The following CD6 variants were observed in gnomAD, a reference collection of about 807,000 sequenced individuals.
The protein encoded by CD6 is T-cell differentiation antigen CD6.
Under a neutral mutation model 75.3 loss-of-function variants are expected in CD6, and 53 were observed. That is an observed-to-expected ratio of 0.70 (90% CI 0.56 to 0.88). The LOEUF is 0.88. CD6 is among the 40% of genes least tolerant of loss of function. The pLI, the probability that CD6 is intolerant of heterozygous loss-of-function variation, is 0.00. For synonymous variants in CD6, 359 were observed against 381.5 expected (o/e 0.94, Z 0.69); for missense variants, 770 against 897.1 (o/e 0.86, Z 1.81).
intron 1 of CD6, among the ~76,000 whole-genome samples, chr11:61,005,261 G>A (rs765933799): frequency 1.3e-5 from 2 of 152,212 alleles, no homozygotes; most frequent in African/African-American, 2.4e-5. Flanking sequence ...ACACAACCAG[G>A]GAGTGGTCAG....
At chr11:60,989,601 A>G (rs890540319) in intron 1 of CD6, among the ~76,000 whole-genome samples, 3 of 152,228 alleles carry the variant, frequency 2.0e-5, no homozygotes, top group African/African-American at 7.2e-5. Flanking sequence ...TTTCCACGGC[A>G]GAGCGCAGCA....
At chr11:60,991,790 C>A (rs1311494426) in intron 1 of CD6, among the ~76,000 whole-genome samples, 1 of 150,212 alleles carries the variant, frequency 6.7e-6, no homozygotes, top group Non-Finnish European at 1.5e-5. Context: ...CTGCCTCAGC[C>A]TCCTCAGTAG....
intron 2 of CD6, 31 bp downstream of exon 2, chr11:61,006,673 A>T: frequency 3.2e-6 from 5 of 1,569,254 alleles, no homozygotes; most frequent in Non-Finnish European, 4.4e-6. Flanking sequence ...GGGGTCCATG[A>T]TCAGCTTTCT....
intron 9 of CD6, among the ~76,000 whole-genome samples, chr11:61,016,201 C>T (rs1859398448): frequency 6.6e-6 from 1 of 152,094 alleles, no homozygotes; most frequent in African/African-American, 2.4e-5. Flanking sequence ...ATGCCATATC[C>T]CTCCGTGTCC....
intron 9 of CD6, 147 bp from the exon 10 acceptor site, chr11:61,017,332 T>C (rs899315531): frequency 6.2e-6 from 4 of 640,338 alleles, no homozygotes; most frequent in African/African-American, 1.8e-5. Context: ...TGGAATTTGA[T>C]GGGAAATGCT....
chr11:61,014,016 T>A lies in CD6; in HGVS notation c.1387+2T>A. 6.2e-7 allele frequency: 1 copy of A among 1,608,234 alleles called. No homozygotes were observed. The highest frequency in any genetic ancestry group is 8.5e-7 in the Non-Finnish European group (1 of 1,176,784). ...TCCCCATCACCATCCCCAAAGAAGG[T>A]AGGATGTCCCCCATCCTGGGTGTGG... On this transcript the variant is annotated splice_donor_variant, in intron 8 of 12. Transcript: ENST00000313421. LOFTEE classifies it high-confidence loss of function.
Position 61,007,703 on chromosome 11 carries a change from T to A in CD6, c.262T>A (p.Cys88Ser). The change falls in exon 3 of 13, where the codon TGC becomes AGC. Residue 88 changes from cysteine to serine, a missense_variant. By Grantham distance (112) the Cys-to-Ser change is moderately radical. Coordinates refer to ENST00000313421, the MANE Select transcript of CD6 (RefSeq NM_006725.5). This position sits in a 1 kb window ranked among gnomAD's most constrained non-coding sequence, Gnocchi z 4.2. ...AAEAVCRALGCGGAEAASQLA... is the reference protein window; with the variant it reads ...AAEAVCRALGSGGAEAASQLA... The stretch of plus-strand genomic sequence containing the variant: ...CGAGGCCGTGTGCCGAGCACTGGGC[T>A]GCGGCGGGGCGGAGGCCGCCTCTCA... The A allele has an allele frequency of 7.2e-7, 1 of 1,394,980 alleles. No individual in the cohort carries two copies. Among genetic ancestry groups the A allele is most frequent in the South Asian group, 1.6e-5 (1 of 60,904 alleles). The allele number at this position is 1,394,980 out of a possible 1,614,324, so 86.4% of individuals were successfully genotyped here.
rs181031239 is a variant in CD6, at chr11:61,005,800, G to A, written c.50-774G>A. Among the ~76,000 whole-genome samples, 79 of 152,100 alleles carry A rather than the reference G, an allele frequency of 5.2e-4. 1 individual carries two copies. The highest frequency in any genetic ancestry group is 8.8e-4 in the Non-Finnish European group (60 of 67,988). On this transcript the variant is annotated intron_variant, in intron 1 of 12. Transcript: ENST00000313421. The stretch of plus-strand genomic sequence containing the variant: ...TACAAAATTAGCCAGGCGTGGTGGC[G>A]CATGCCTGTAATCCCAGCTACTCAG...
chr11:60,981,526 C>T (rs1857557863), intron 1 of CD6, among the ~76,000 whole-genome samples: 1 of 152,348 alleles, frequency 6.6e-6, no homozygotes, highest in African/African-American at 2.4e-5. Context: ...CCATGCCCAG[C>T]CTTCGTTTCC....
At chr11:61,002,237 T>C (rs1197781651) in intron 1 of CD6, among the ~76,000 whole-genome samples, 1 of 152,164 alleles carries the variant, frequency 6.6e-6, no homozygotes, top group African/African-American at 2.4e-5. Flanking sequence ...ATTCACTCTG[T>C]TTCTAACATT....
intron 1 of CD6, among the ~76,000 whole-genome samples, chr11:60,974,435 C>T (rs756910095): frequency 7.9e-5 from 12 of 152,196 alleles, no homozygotes; most frequent in Non-Finnish European, 1.5e-4. Context: ...TTAGTAGAGA[C>T]GTGGTTTCGC....
At chr11:60,983,312 T>C (rs1196169938) in intron 1 of CD6, among the ~76,000 whole-genome samples, 3 of 151,918 alleles carry the variant, frequency 2.0e-5, no homozygotes, top group Non-Finnish European at 4.4e-5. Context: ...GGCTGGTCTT[T>C]AACTCCTGAC....
In CD6 at chr11:61,008,565, C is replaced by T. The variant is rs1419902230; in HGVS notation, c.501C>T (p.Gly167=). Residue 167 remains glycine, a synonymous_variant, in exon 4 of 13, where the codon GGC becomes GGT. Transcript: ENST00000313421. ...GCGCGCTGCGCCTGGTGGACGGTGG[C>T]GGCGCCTGCGCCGGCCGCGTGGAGA... ...ENRALRLVDG[G]GACAGRVEML... The T allele has an allele frequency of 8.1e-6, 13 of 1,605,550 alleles. No homozygotes were observed. The highest frequency in any genetic ancestry group is 1.1e-5 in the Non-Finnish European group (13 of 1,176,444).
At chr11:61,000,000 C>G (rs1858505099) in intron 1 of CD6, among the ~76,000 whole-genome samples, 1 of 151,826 alleles carries the variant, frequency 6.6e-6, no homozygotes, top group African/African-American at 2.4e-5. Flanking sequence ...GGCAGTGAAC[C>G]GAGATCGCAT....
intron 8 of CD6, among the ~76,000 whole-genome samples, 192 bp downstream of exon 8, chr11:61,014,206 C>G (rs908417892): frequency 4.6e-5 from 7 of 152,194 alleles, no homozygotes; most frequent in African/African-American, 1.4e-4. Context: ...GATGACCTTC[C>G]AGTTCAGTCA....
At chr11:60,973,385 C>T (rs544566474) in intron 1 of CD6, among the ~76,000 whole-genome samples, 62 of 152,364 alleles carry the variant, frequency 4.1e-4, no homozygotes, top group African/African-American at 1.4e-3. Flanking sequence ...CTGTCCCACC[C>T]TGGCAGCTCT....
intron 1 of CD6, among the ~76,000 whole-genome samples, chr11:60,998,875 C>T (rs1035180094): frequency 2.2e-5 from 3 of 137,850 alleles, no homozygotes; most frequent in Non-Finnish European, 4.7e-5. Flanking sequence ...AAAAGGAAAA[C>T]AGGCCAGGCA....
At chr11:60,983,343 C>T (rs2135030987) in intron 1 of CD6, among the ~76,000 whole-genome samples, 1 of 152,228 alleles carries the variant, frequency 6.6e-6, no homozygotes, top group Admixed American at 6.5e-5. Flanking sequence ...CCTCCTGCCT[C>T]AGCTTCCCAA....
At chr11:61,002,868 C>CA (rs1373330151) in intron 1 of CD6, among the ~76,000 whole-genome samples, 1 of 152,198 alleles carries the variant, frequency 6.6e-6, no homozygotes, top group East Asian at 1.9e-4. Context: ...ACTTTTACGA[C>CA]AAAACCACTT....
Sources: gnomAD v4.1 joint callset for allele counts (sites outside exome capture counted in the v4.1 genomes callset) on GRCh38, gnomAD v4.1.1 for gene constraint, Gnocchi (gnomAD v3.1) non-coding constraint, MANE v1.5 for transcripts, NCBI Gene and HGNC (gene_info 2026-07-23, HGNC 2026-07-21) for gene names.